The following NPAS3 variants were observed in gnomAD, a reference collection of about 807,000 sequenced individuals.
NPAS3 encodes the protein neuronal PAS domain-containing protein 3.
In NPAS3, 14 loss-of-function variants were observed where a neutral mutation model predicts 73.1. The observed-to-expected ratio is 0.19, with a 90% CI of 0.13 to 0.30. NPAS3 has a LOEUF of 0.30. NPAS3 is among the 10% of genes least tolerant of loss of function. The probability of loss-of-function intolerance (pLI) is 1.00; values close to 1 mark genes in which losing one functional copy is unlikely to be tolerated. For missense variants in NPAS3, 1,096 were observed against 1,250.0 expected (o/e 0.88, Z 1.86); for synonymous variants, 620 against 541.5 (o/e 1.14, Z -2.01).
intron 3 of NPAS3, among the ~76,000 whole-genome samples, chr14:33,299,767 T>C (rs189302906): frequency 2.0e-5 from 3 of 152,312 alleles, no homozygotes; most frequent in Admixed American, 2.0e-4. Context: ...CATTTTTTTT[T>C]CTTTGGAGTG....
intron 2 of NPAS3, among the ~76,000 whole-genome samples, chr14:33,083,051 C>T (rs900317118): frequency 6.6e-6 from 1 of 151,428 alleles, no homozygotes; most frequent in Admixed American, 6.6e-5. Flanking sequence ...GGTGTGGGGG[C>T]GTGTGCCTGT....
chr14:33,656,996 T>C (rs1378248479), intron 5 of NPAS3, among the ~76,000 whole-genome samples: 1 of 152,156 alleles, frequency 6.6e-6, no homozygotes, highest in South Asian at 2.1e-4. Context: ...AGTAGATGAA[T>C]GGATAATGAA....
chr14:33,197,158 C>T (rs2046387138), intron 2 of NPAS3, among the ~76,000 whole-genome samples: 1 of 151,716 alleles, frequency 6.6e-6, no homozygotes, highest in Admixed American at 6.6e-5. Context: ...GAACATACAC[C>T]ATTCCTTACT....
In NPAS3 at chr14:33,708,765, C is replaced by G. The variant is rs186289266; in HGVS notation, c.734-26449C>G. Among the ~76,000 whole-genome samples the G allele has an allele frequency of 3.9e-5, 6 of 152,214 alleles. No individual in the cohort carries two copies. The South Asian group carries it at 1.2e-3, about 32-fold the overall frequency. On this transcript the variant is annotated intron_variant, in intron 6 of 11. Transcript: ENST00000356141. ...ATAACCCAGCAAGTAAAAATTCAGTCGAAGCAGGCAAAGGGCAATGCATCT... is the reference window on the plus strand; with the variant it reads ...ATAACCCAGCAAGTAAAAATTCAGTGGAAGCAGGCAAAGGGCAATGCATCT...
At chr14:33,343,904 C>T (rs1054292943) in intron 3 of NPAS3, among the ~76,000 whole-genome samples, 4 of 152,252 alleles carry the variant, frequency 2.6e-5, no homozygotes, top group South Asian at 2.1e-4. Flanking sequence ...CAAAACTTGT[C>T]GCCTCGTGCA....
At chr14:33,063,836 C>T (rs75951434) in intron 2 of NPAS3, among the ~76,000 whole-genome samples, 1 of 152,142 alleles carries the variant, frequency 6.6e-6, no homozygotes, top group Non-Finnish European at 1.5e-5. Context: ...ATGAGTACTA[C>T]CTTGTTGCTC....
chr14:33,656,965 G>T (rs910420368), intron 5 of NPAS3, among the ~76,000 whole-genome samples: 1 of 152,112 alleles, frequency 6.6e-6, no homozygotes, highest in South Asian at 2.1e-4. Context: ...CCAAGATACG[G>T]AATCAACCTA....
At chr14:33,352,852 T>A (rs1250144052) in intron 3 of NPAS3, among the ~76,000 whole-genome samples, 1 of 152,138 alleles carries the variant, frequency 6.6e-6, no homozygotes, top group Non-Finnish European at 1.5e-5. Flanking sequence ...TGGGTAAAAA[T>A]TTGAAGAAAA....
At position 33,091,957 on chromosome 14, in the gene NPAS3, T is replaced by A. The variant is rs181978429; in HGVS notation, c.140+35963T>A. Among the ~76,000 whole-genome samples, 1,140 of 152,306 alleles carry A rather than the reference T, an allele frequency of 7.5e-3. 8 individuals carry two copies. Among genetic ancestry groups the A allele is most frequent in the Middle Eastern group, 0.017 (5 of 294 alleles). On this transcript the variant is annotated intron_variant, in intron 2 of 11. Transcript: ENST00000356141. The stretch of plus-strand genomic sequence containing the variant: ...TAAAAACTCTTAATAAATTAGGTAT[T>A]GATGGGATGTATCTCAAAATAATAA...
intron 3 of NPAS3, among the ~76,000 whole-genome samples, chr14:33,278,531 A>T (rs1219746670): frequency 6.6e-6 from 1 of 151,966 alleles, no homozygotes. Context: ...CTCAAGAACG[A>T]TAAGGGGAAA....
chr14:33,342,987 T>C (rs2044557408), intron 3 of NPAS3, among the ~76,000 whole-genome samples: 2 of 152,204 alleles, frequency 1.3e-5, no homozygotes, highest in East Asian at 1.9e-4. Context: ...ATGCATGTAA[T>C]GTCTCTTTTG....
chr14:33,178,792 A>C (rs949057661), intron 2 of NPAS3, among the ~76,000 whole-genome samples: 1 of 152,096 alleles, frequency 6.6e-6, no homozygotes, highest in African/African-American at 2.4e-5. Flanking sequence ...CTTTCCTTCC[A>C]ATTTGATATA....
chr14:33,707,302 A>C (rs969513235), intron 6 of NPAS3, among the ~76,000 whole-genome samples: 1 of 152,020 alleles, frequency 6.6e-6, no homozygotes, highest in African/African-American at 2.4e-5. Flanking sequence ...TTCTATTTCG[A>C]CAAGTAGAAT....
chr14:33,661,012 C>G (rs966247475), intron 5 of NPAS3, among the ~76,000 whole-genome samples: 2 of 138,968 alleles, frequency 1.4e-5, no homozygotes, highest in East Asian at 2.1e-4. Flanking sequence ...AAGAGAATAA[C>G]AAGAAAATAC....
At chr14:33,526,534 A>G (rs2140141851) in intron 4 of NPAS3, among the ~76,000 whole-genome samples, 1 of 152,012 alleles carries the variant, frequency 6.6e-6, no homozygotes, top group East Asian at 1.9e-4. Context: ...GAAGGAAGCC[A>G]CTGGTGAATT....
chr14:33,099,581 G>A (rs1450745386), intron 2 of NPAS3, among the ~76,000 whole-genome samples: 4 of 152,116 alleles, frequency 2.6e-5, no homozygotes, highest in South Asian at 2.1e-4. Context: ...GGAATTACTC[G>A]ATATTAAATA....
chr14:33,649,240 C>T (rs1351584960), intron 5 of NPAS3, among the ~76,000 whole-genome samples: 1 of 152,212 alleles, frequency 6.6e-6, no homozygotes, highest in Non-Finnish European at 1.5e-5. Flanking sequence ...TTCTCAAATA[C>T]TCACATGGGG....
At chr14:32,950,399 A>G (rs1052877451) in intron 1 of NPAS3, among the ~76,000 whole-genome samples, 3 of 152,124 alleles carry the variant, frequency 2.0e-5, no homozygotes, top group Admixed American at 1.3e-4. Context: ...TAACAGAAGC[A>G]TTATAAAGGC....
intron 4 of NPAS3, among the ~76,000 whole-genome samples, chr14:33,518,034 A>G (rs952906735): frequency 6.6e-6 from 1 of 152,168 alleles, no homozygotes; most frequent in Non-Finnish European, 1.5e-5. Context: ...AAACCAGATG[A>G]AACAATTCTT....
Sources: gnomAD v4.1 joint callset for allele counts (sites outside exome capture counted in the v4.1 genomes callset) on GRCh38, gnomAD v4.1.1 for gene constraint, MANE v1.5 for transcripts, NCBI Gene and HGNC (gene_info 2026-07-23, HGNC 2026-07-21) for gene names.